ATRNL1: variants seen among roughly 807,000 people sequenced by gnomAD.
ATRNL1 encodes the protein attractin-like protein 1.
Under a neutral mutation model 182.7 loss-of-function variants are expected in ATRNL1, and 95 were observed. The observed-to-expected ratio is 0.52, with a 90% CI of 0.44 to 0.62. ATRNL1 has a LOEUF of 0.62. Ranked by LOEUF, ATRNL1 falls within the 20% of genes least tolerant of loss-of-function variation. The probability of loss-of-function intolerance (pLI) is 0.00; values close to 1 mark genes in which losing one functional copy is unlikely to be tolerated. For synonymous variants in ATRNL1, 576 were observed against 568.3 expected (o/e 1.01, Z -0.19); for missense variants, 1,471 against 1,679.5 (o/e 0.88, Z 2.17).
chr10:115,113,239 C>G (rs1187179870), intron 1 of ATRNL1, among the ~76,000 whole-genome samples: 1 of 152,120 alleles, frequency 6.6e-6, no homozygotes, highest in African/African-American at 2.4e-5. Flanking sequence ...GAGAGTTAGC[C>G]AAAACTTTAG....
intron 24 of ATRNL1, among the ~76,000 whole-genome samples, chr10:115,472,824 T>C (rs1254852963): frequency 6.6e-6 from 1 of 151,168 alleles, no homozygotes; most frequent in Non-Finnish European, 1.5e-5. Flanking sequence ...CCAATTTGGA[T>C]GCCTTTTACT....
intron 28 of ATRNL1, among the ~76,000 whole-genome samples, chr10:115,887,293 C>T (rs533995013): frequency 1.4e-5 from 2 of 145,140 alleles, no homozygotes; most frequent in African/African-American, 5.7e-5. Flanking sequence ...GCTGCTATTA[C>T]AAAATATTAC....
intron 27 of ATRNL1, among the ~76,000 whole-genome samples, chr10:115,744,145 A>C (rs1555068542): frequency 6.6e-6 from 1 of 152,118 alleles, no homozygotes; most frequent in East Asian, 1.9e-4. Flanking sequence ...ACATCATAAC[A>C]TCTATGTGTT....
intron 5 of ATRNL1, among the ~76,000 whole-genome samples, chr10:115,154,262 C>T (rs1309375702): frequency 6.2e-5 from 9 of 144,600 alleles, no homozygotes; most frequent in Admixed American, 1.4e-4. Flanking sequence ...TCCTGGATAT[C>T]GTTGTTAACC....
At chr10:115,829,822 C>T (rs1023905433) in intron 27 of ATRNL1, among the ~76,000 whole-genome samples, 8 of 152,090 alleles carry the variant, frequency 5.3e-5, no homozygotes, top group African/African-American at 1.4e-4. Flanking sequence ...TCTGACTGCC[C>T]GGAGAAGAGT....
intron 26 of ATRNL1, among the ~76,000 whole-genome samples, chr10:115,707,284 C>T (rs1432395544): frequency 2.6e-5 from 4 of 151,702 alleles, no homozygotes; most frequent in Non-Finnish European, 4.4e-5. Flanking sequence ...TTCCCTCTTA[C>T]AGAAACTTTT....
intron 21 of ATRNL1, among the ~76,000 whole-genome samples, chr10:115,459,094 C>A (rs534421057): frequency 6.6e-6 from 1 of 152,218 alleles, no homozygotes; most frequent in South Asian, 2.1e-4. Flanking sequence ...CCAGTCAATA[C>A]CCTTGTGATT....
intron 9 of ATRNL1, among the ~76,000 whole-genome samples, chr10:115,234,174 T>C (rs910831210): frequency 1.3e-5 from 2 of 152,114 alleles, no homozygotes; most frequent in Non-Finnish European, 2.9e-5. Context: ...AACATTCAGA[T>C]GTTCTATTTG....
At chr10:115,662,413 G>A (rs1212289505) in intron 26 of ATRNL1, among the ~76,000 whole-genome samples, 1 of 152,022 alleles carries the variant, frequency 6.6e-6, no homozygotes, top group African/African-American at 2.4e-5. Flanking sequence ...CGATTCCTCA[G>A]GGATCTAGAA....
chr10:115,193,680 G>T (rs763125320), intron 8 of ATRNL1, among the ~76,000 whole-genome samples: 50 of 151,074 alleles, frequency 3.3e-4, no homozygotes, highest in Non-Finnish European at 6.1e-4. Flanking sequence ...TTGACCTTTT[G>T]TATTTTTTAT....
chr10:115,608,190 C>T (rs559364577), intron 26 of ATRNL1, among the ~76,000 whole-genome samples: 1 of 151,874 alleles, frequency 6.6e-6, no homozygotes, highest in East Asian at 1.9e-4. Flanking sequence ...TTACACTACT[C>T]AGTGGTATTT....
chr10:115,372,557 T>C (rs1406446988), intron 19 of ATRNL1, among the ~76,000 whole-genome samples: 1 of 152,228 alleles, frequency 6.6e-6, no homozygotes, highest in African/African-American at 2.4e-5. Context: ...GAATATGGTA[T>C]AAGATAAAAT....
chr10:115,195,265 T>C (rs1264774), intron 8 of ATRNL1, among the ~76,000 whole-genome samples: 54,954 of 151,992 alleles, frequency 0.36, 10,388 homozygotes, highest in African/African-American at 0.46. Flanking sequence ...GAAGAACTCC[T>C]TTTAACATTT....
chr10:115,741,759 T>C (rs1271904869), intron 27 of ATRNL1, among the ~76,000 whole-genome samples: 11 of 152,160 alleles, frequency 7.2e-5, no homozygotes, highest in African/African-American at 2.7e-4. Context: ...ATAGGGATAG[T>C]CTGGGTCAAA....
At chr10:115,742,060 T>G (rs1948154410) in intron 27 of ATRNL1, among the ~76,000 whole-genome samples, 1 of 152,156 alleles carries the variant, frequency 6.6e-6, no homozygotes, top group Non-Finnish European at 1.5e-5. Flanking sequence ...AATTATGCAG[T>G]CATTGGTGGC....
chr10:115,890,209 G>T (rs1456665747), intron 28 of ATRNL1, among the ~76,000 whole-genome samples: 1 of 152,190 alleles, frequency 6.6e-6, no homozygotes, highest in Admixed American at 6.5e-5. Context: ...ACTGTGGGTG[G>T]TGGACCGTTA....
intron 1 of ATRNL1, among the ~76,000 whole-genome samples, chr10:115,106,901 A>G (rs1231413181): frequency 6.6e-6 from 1 of 152,140 alleles, no homozygotes; most frequent in East Asian, 1.9e-4. Flanking sequence ...ATGATTCTGG[A>G]GGCTGGGAAG....
chr10:115,433,123 T>A (rs1846245890), intron 21 of ATRNL1, among the ~76,000 whole-genome samples: 2 of 152,072 alleles, frequency 1.3e-5, no homozygotes, highest in South Asian at 4.1e-4. Flanking sequence ...TTGAATTTCT[T>A]TTATTAGAGT....
chr10:115,822,230 A>T (rs977185673), intron 27 of ATRNL1, among the ~76,000 whole-genome samples: 1 of 152,168 alleles, frequency 6.6e-6, no homozygotes, highest in Non-Finnish European at 1.5e-5. Flanking sequence ...TTTGAAACCA[A>T]TGAGAACAAG....
Sources: allele counts gnomAD v4.1 joint callset (sites outside exome capture counted in the v4.1 genomes callset), GRCh38; gene constraint gnomAD v4.1.1; transcripts MANE v1.5; gene names NCBI Gene and HGNC (gene_info 2026-07-23, HGNC 2026-07-21).